OPRM1: variants seen among roughly 807,000 people sequenced by gnomAD.
The protein encoded by OPRM1 is mu-type opioid receptor.
A neutral mutation model predicts 31.8 loss-of-function variants in OPRM1; 27 were observed. The observed-to-expected ratio is 0.85, with a 90% confidence interval of 0.63 to 1.17. OPRM1 has a LOEUF of 1.17. OPRM1 is among the 50% of genes most tolerant of loss of function. The pLI is 0.00. For synonymous variants in OPRM1, 196 were observed against 189.9 expected (o/e 1.03, Z -0.26); for missense variants, 536 against 511.1 (o/e 1.05, Z -0.47).
At chr6:154,055,777 T>C (rs1355658285) in intron 1 of OPRM1, among the ~76,000 whole-genome samples, 2 of 152,202 alleles carry the variant, frequency 1.3e-5, no homozygotes, top group Non-Finnish European at 2.9e-5. Flanking sequence ...TAAGTCTTTT[T>C]ATATTGTCTA....
At chr6:154,241,063 C>G (rs968922788) in intron 3 of OPRM1, among the ~76,000 whole-genome samples, 1 of 151,932 alleles carries the variant, frequency 6.6e-6, no homozygotes, top group Non-Finnish European at 1.5e-5. Context: ...TGGTGAAACC[C>G]CGTCTCTACT....
intron 1 of OPRM1, among the ~76,000 whole-genome samples, chr6:154,057,891 T>C (rs1327612305): frequency 1.3e-5 from 2 of 152,184 alleles, no homozygotes; most frequent in Non-Finnish European, 2.9e-5. Flanking sequence ...AACTTTCACA[T>C]TTTAAAAAGT....
intron 3 of OPRM1, among the ~76,000 whole-genome samples, chr6:154,207,926 C>T (rs1777633795): frequency 6.6e-6 from 1 of 152,174 alleles, no homozygotes; most frequent in African/African-American, 2.4e-5. Context: ...ACCTTCCAAA[C>T]GGATTCAAAA....
intron 3 of OPRM1, among the ~76,000 whole-genome samples, chr6:154,116,852 G>A (rs763028556): frequency 6.6e-6 from 1 of 152,130 alleles, no homozygotes; most frequent in African/African-American, 2.4e-5. Flanking sequence ...GCTGATCCAA[G>A]CACCCCTGGA....
At chr6:154,106,604 C>G (rs1180230697) in intron 3 of OPRM1, among the ~76,000 whole-genome samples, 3 of 152,226 alleles carry the variant, frequency 2.0e-5, no homozygotes, top group African/African-American at 7.2e-5. Context: ...ATATCTGAGG[C>G]ATTTTTGGAC....
chr6:154,039,054 A>C (rs1779503192), upstream of OPRM1: 2 of 1,318,956 alleles, frequency 1.5e-6, no homozygotes, highest in Non-Finnish European at 2.0e-6. Context: ...AAGGAGAAAA[A>C]GGCGCTGGAA....
intron 3 of OPRM1, among the ~76,000 whole-genome samples, chr6:154,152,325 A>AAG (rs1481991862): frequency 7.1e-4 from 28 of 39,244 alleles, no homozygotes; most frequent in African/African-American, 3.3e-3. Flanking sequence ...GAAAGAAAGA[A>AAG]AGAAAGAAAG....
chr6:154,176,256 C>T (rs1192772955), intron 3 of OPRM1, among the ~76,000 whole-genome samples: 3 of 152,178 alleles, frequency 2.0e-5, no homozygotes, highest in African/African-American at 7.2e-5. Context: ...CCTTTGAAAA[C>T]TGGCATAAGA....
At chr6:154,223,238 C>G in intron 3 of OPRM1, 2 of 1,612,382 alleles carry the variant, frequency 1.2e-6, no homozygotes, top group Non-Finnish European at 1.7e-6. Flanking sequence ...CATCAGCTTT[C>G]TCTGCCTGAA....
intron 1 of OPRM1, among the ~76,000 whole-genome samples, chr6:154,064,777 T>C (rs1200972751): frequency 2.0e-5 from 3 of 152,224 alleles, no homozygotes; most frequent in Non-Finnish European, 4.4e-5. Context: ...CTTGGAACTC[T>C]TGTTGAAAAT....
At chr6:154,160,966 C>T (rs995350375) in intron 3 of OPRM1, among the ~76,000 whole-genome samples, 7 of 152,154 alleles carry the variant, frequency 4.6e-5, no homozygotes, top group Non-Finnish European at 1.0e-4. Flanking sequence ...CTCATGGATC[C>T]CCTTACACCC....
chr6:154,034,810 A>G (rs185213443), upstream of OPRM1, among the ~76,000 whole-genome samples: 21 of 152,298 alleles, frequency 1.4e-4, no homozygotes, highest in African/African-American at 4.8e-4. Flanking sequence ...AGACTTGAAT[A>G]GAAATGAGGT....
chr6:154,071,126 T>G (rs1786624065), intron 1 of OPRM1, among the ~76,000 whole-genome samples: 1 of 152,158 alleles, frequency 6.6e-6, no homozygotes, highest in African/African-American at 2.4e-5. Context: ...AACTGATATT[T>G]GAAGGTATGG....
chr6:154,152,370 A>AAGAAAGAAAGAAAGAAAGAAAG (rs1798554864), intron 3 of OPRM1, among the ~76,000 whole-genome samples: 15 of 148,588 alleles, frequency 1.0e-4, no homozygotes, highest in African/African-American at 3.9e-4. Flanking sequence ...GAAAGAAAGA[A>AAGAAAGAAAGAAAGAAAGAAAG]AGAAAGAAAG....
At chr6:154,156,823 C>T (rs1798736183) in intron 3 of OPRM1, 1 of 152,204 alleles carries the variant, frequency 6.6e-6, no homozygotes, top group South Asian at 2.1e-4. Flanking sequence ...GGCATCACAT[C>T]AGGCTCCGTT....
intron 3 of OPRM1, among the ~76,000 whole-genome samples, chr6:154,204,389 C>A (rs948592712): frequency 4.6e-5 from 7 of 152,050 alleles, no homozygotes; most frequent in Admixed American, 2.0e-4. Context: ...AAAACAAAAC[C>A]AAAATGACAA....
intron 3 of OPRM1, chr6:154,093,160 CT>C: frequency 1.1e-6 from 1 of 891,622 alleles, no homozygotes; most frequent in Non-Finnish European, 1.7e-6. Context: ...AAGATTGCAA[CT>C]TAAAATGCCT....
intron 1 of OPRM1, among the ~76,000 whole-genome samples, chr6:154,042,994 A>G (rs1252289661): frequency 1.3e-5 from 2 of 152,232 alleles, no homozygotes. Flanking sequence ...AAAATATTTA[A>G]TAACTGAACC....
At chr6:154,160,082 T>G (rs764369317) in intron 3 of OPRM1, 1 of 1,440,890 alleles carries the variant, frequency 6.9e-7, no homozygotes, top group South Asian at 1.2e-5. Context: ...ATGTTGAGAG[T>G]GTCTTAATTT....
Sources: allele counts gnomAD v4.1 joint callset (sites outside exome capture counted in the v4.1 genomes callset), GRCh38; gene constraint gnomAD v4.1.1; transcripts MANE v1.5; gene names NCBI Gene and HGNC (gene_info 2026-07-23, HGNC 2026-07-21).